Variants in FUT8 observed in about 807,000 individuals in gnomAD.
The protein encoded by FUT8 is fucosyltransferase 8, also known as alpha-(1,6)-fucosyltransferase.
Under a neutral mutation model 71.3 loss-of-function variants are expected in FUT8, and 29 were observed. That is an observed-to-expected ratio of 0.41 (90% CI 0.30 to 0.55). FUT8 has a LOEUF of 0.55. Among genes scored for constraint, FUT8 ranks in the 20% least tolerant of loss-of-function variants. The pLI is 0.34. For missense variants in FUT8, 544 were observed against 702.1 expected (o/e 0.77, Z 2.55); for synonymous variants, 254 against 239.3 (o/e 1.06, Z -0.57).
At chr14:65,703,635 C>T (rs1566906476) in intron 7 of FUT8, among the ~76,000 whole-genome samples, 2 of 152,228 alleles carry the variant, frequency 1.3e-5, no homozygotes, top group African/African-American at 2.4e-5. Context: ...CATCATCTTT[C>T]TTCCACAATG....
intron 3 of FUT8, among the ~76,000 whole-genome samples, chr14:65,590,508 A>C (rs1039645529): frequency 6.6e-6 from 1 of 152,120 alleles, no homozygotes; most frequent in Non-Finnish European, 1.5e-5. Flanking sequence ...CTCTTGACCA[A>C]ACTGGGGGGG....
rs73268567 is a variant in FUT8 at position 65,673,105 on chromosome 14, T to A, written c.835+3625T>A. On this transcript the variant is annotated intron_variant, in intron 7 of 10. Coordinates refer to ENST00000673929, the MANE Select transcript of FUT8 (RefSeq NM_001371533.1). ...AAAATAATGACTAGTAAAAAAATAATTTATAAATACGATAAAGTTTGATGC... is the reference window on the plus strand; with the variant it reads ...AAAATAATGACTAGTAAAAAAATAAATTATAAATACGATAAAGTTTGATGC... Among the ~76,000 whole-genome samples, 1,215 of 152,338 alleles carry A rather than the reference T, an allele frequency of 8.0e-3. 16 individuals are homozygous for A. The highest frequency in any genetic ancestry group is 0.028 in the African/African-American group (1,163 of 41,576).
intron 2 of FUT8, among the ~76,000 whole-genome samples, chr14:65,465,140 T>G (rs1318046810): frequency 6.6e-6 from 1 of 152,200 alleles, no homozygotes; most frequent in African/African-American, 2.4e-5. Context: ...TTGATTTTCT[T>G]TGTTTTCCTG....
Position 65,669,736 on chromosome 14 carries a change from C to A in FUT8, c.835+256C>A, listed in dbSNP as rs568143613. 1.3e-5 allele frequency among the ~76,000 whole-genome samples: 2 copies of A among 151,984 alleles called. No individual in the cohort carries two copies. Among genetic ancestry groups the A allele is most frequent in the African/African-American group, 2.4e-5 (1 of 41,382 alleles). ...TTTTTTTCAGGGAGCATAATTTAAT[C>A]TTTTAATAATAATGATATGACTTTC... On this transcript the variant is annotated intron_variant, in intron 7 of 10. Coordinates refer to ENST00000673929, the MANE Select transcript of FUT8 (RefSeq NM_001371533.1). This position sits in a 1 kb window ranked among gnomAD's most constrained non-coding sequence, Gnocchi z 4.5.
chr14:65,452,363 T>C (rs995221047), intron 1 of FUT8, among the ~76,000 whole-genome samples: 1 of 152,130 alleles, frequency 6.6e-6, no homozygotes, highest in African/African-American at 2.4e-5. Context: ...TCTCAAGACA[T>C]TTGCCGTCAA....
chr14:65,464,966 T>C (rs2066021328), intron 2 of FUT8, among the ~76,000 whole-genome samples: 1 of 152,218 alleles, frequency 6.6e-6, no homozygotes, highest in South Asian at 2.1e-4. Context: ...CTTTCTGTTT[T>C]GGAAGATTAT....
At chr14:65,659,505 CT>C in intron 6 of FUT8, among the ~76,000 whole-genome samples, 1 of 152,256 alleles carries the variant, frequency 6.6e-6, no homozygotes. Context: ...TTTGGAGCAG[CT>C]TTTGCACAGG....
chr14:65,646,753 A>G (rs1891144444), intron 6 of FUT8, among the ~76,000 whole-genome samples: 1 of 152,018 alleles, frequency 6.6e-6, no homozygotes, highest in Non-Finnish European at 1.5e-5. Context: ...CTAAGGGTAG[A>G]TTACCAAATG....
intron 2 of FUT8, among the ~76,000 whole-genome samples, chr14:65,522,771 G>A (rs2139867999): frequency 7.4e-6 from 1 of 135,858 alleles, no homozygotes; most frequent in Non-Finnish European, 1.5e-5. Flanking sequence ...CCCCTCCTGT[G>A]TCCAAGTGTT....
At chr14:65,610,364 T>C (rs1888819215) in intron 3 of FUT8, among the ~76,000 whole-genome samples, 2 of 151,746 alleles carry the variant, frequency 1.3e-5, no homozygotes, top group South Asian at 4.2e-4. Context: ...GTTGAGGAAA[T>C]TTCCTTAATT....
At chr14:65,508,491 GTTTTTTTTTTTT>G (rs34809476) in intron 2 of FUT8, among the ~76,000 whole-genome samples, 8 of 46,500 alleles carry the variant, frequency 1.7e-4, no homozygotes, top group Non-Finnish European at 2.7e-4. Context: ...AGTTGTTTGA[GTTTTTTTTTTTT>G]TTTTTTTTTT....
chr14:65,546,171 C>T (rs1441883208), intron 2 of FUT8, among the ~76,000 whole-genome samples: 1 of 151,694 alleles, frequency 6.6e-6, no homozygotes, highest in Non-Finnish European at 1.5e-5. Flanking sequence ...AATCTATATC[C>T]TCATGTAACT....
chr14:65,535,732 G>A (rs576951020), intron 2 of FUT8, among the ~76,000 whole-genome samples: 1 of 152,284 alleles, frequency 6.6e-6, no homozygotes, highest in South Asian at 2.1e-4. Flanking sequence ...TGTGCCATGT[G>A]CAGATGAGAA....
chr14:65,640,649 C>T (rs560947185), intron 6 of FUT8, among the ~76,000 whole-genome samples: 42 of 152,004 alleles, frequency 2.8e-4, no homozygotes, highest in African/African-American at 9.6e-4. Flanking sequence ...TAAAGAATTT[C>T]CCCCAAAACA....
chr14:65,636,098 C>T (rs145772892), intron 6 of FUT8, among the ~76,000 whole-genome samples: 20,815 of 152,038 alleles, frequency 0.14, 1,904 homozygotes, highest in South Asian at 0.28. Context: ...ATTTATCCAT[C>T]TCCTCTAGGT....
At chr14:65,435,297 A>G (rs1166418994) in intron 1 of FUT8, among the ~76,000 whole-genome samples, 1 of 152,074 alleles carries the variant, frequency 6.6e-6, no homozygotes, top group Non-Finnish European at 1.5e-5. Flanking sequence ...TTTTCTATCC[A>G]TATTGGTTGA....
chr14:65,436,962 T>C (rs117391603), intron 1 of FUT8, among the ~76,000 whole-genome samples: 378 of 152,380 alleles, frequency 2.5e-3, no homozygotes, highest in Admixed American at 3.7e-3. Flanking sequence ...CTACAGGCAG[T>C]ATGTCTAATG....
chr14:65,622,348 G>A (rs1889660230), intron 5 of FUT8, among the ~76,000 whole-genome samples: 1 of 152,092 alleles, frequency 6.6e-6, no homozygotes, highest in Non-Finnish European at 1.5e-5. Flanking sequence ...TACCTAGTGC[G>A]TGACACATTA....
At chr14:65,540,530 A>C (rs2139957770) in intron 2 of FUT8, among the ~76,000 whole-genome samples, 2 of 152,338 alleles carry the variant, frequency 1.3e-5, no homozygotes, top group Admixed American at 1.3e-4. Context: ...TGGAAGAGAA[A>C]GCTAGAAGCT....
Sources: gnomAD v4.1 joint callset for allele counts (sites outside exome capture counted in the v4.1 genomes callset) on GRCh38, gnomAD v4.1.1 for gene constraint, Gnocchi (gnomAD v3.1) non-coding constraint, MANE v1.5 for transcripts, NCBI Gene and HGNC (gene_info 2026-07-23, HGNC 2026-07-21) for gene names.